WWC1: variants seen among roughly 807,000 people sequenced by gnomAD.
WWC1 encodes the protein protein KIBRA.
WWC1 carries 55 observed loss-of-function variants against 138.4 expected under a neutral mutation model. That is an observed-to-expected ratio of 0.40 (90% CI 0.32 to 0.50). The LOEUF is 0.50. Ranked by LOEUF, WWC1 falls within the 20% of genes least tolerant of loss-of-function variation. The pLI is 0.72. For synonymous variants in WWC1, 524 were observed against 564.9 expected (o/e 0.93, Z 1.03); for missense variants, 1,226 against 1,420.4 (o/e 0.86, Z 2.20).
intron 11 of WWC1, among the ~76,000 whole-genome samples, chr5:168,427,099 A>T (rs1221258864): frequency 6.6e-6 from 1 of 152,102 alleles, no homozygotes; most frequent in South Asian, 2.1e-4. Context: ...CGGGTGCTTA[A>T]TCTCTCCCTT....
intron 1 of WWC1, among the ~76,000 whole-genome samples, chr5:168,306,848 T>C (rs961704122): frequency 6.6e-6 from 1 of 152,176 alleles, no homozygotes; most frequent in Non-Finnish European, 1.5e-5. Context: ...CCACCCATCT[T>C]GGCCTCCCAA....
chr5:168,326,918 A>G (rs1230899693), intron 1 of WWC1, among the ~76,000 whole-genome samples: 1 of 152,190 alleles, frequency 6.6e-6, no homozygotes. Context: ...GCAAATCTGC[A>G]TTTTTGAAGG....
chr5:168,366,291 T>G (rs1337988784), intron 1 of WWC1, among the ~76,000 whole-genome samples: 1 of 152,226 alleles, frequency 6.6e-6, no homozygotes, highest in Non-Finnish European at 1.5e-5. Context: ...ATCTCCCTCT[T>G]GGCATTTGTT....
intron 19 of WWC1, 144 bp downstream of exon 19, chr5:168,455,664 G>A: frequency 2.0e-6 from 2 of 1,012,434 alleles, no homozygotes; most frequent in Non-Finnish European, 2.9e-6. Context: ...CTCAGGTGGA[G>A]TTCACGGGCC....
chr5:168,341,127 G>A (rs986505100), intron 1 of WWC1, among the ~76,000 whole-genome samples: 2 of 152,134 alleles, frequency 1.3e-5, no homozygotes, highest in South Asian at 2.1e-4. Flanking sequence ...TCGAAGACAC[G>A]GGAAATAACT....
chr5:168,371,513 A>T lies in WWC1; in HGVS notation c.209A>T (p.Tyr70Phe). Residue 70 changes from tyrosine to phenylalanine, a missense_variant, in exon 2 of 23, where the codon TAC becomes TTC. Physicochemically the swap from Tyr to Phe is conservative, Grantham distance 22. This residue lies in a region of WWC1 where 1,016 missense variants were observed against 1,153.9 expected (regional missense o/e 0.88). Coordinates refer to ENST00000265293, the MANE Select transcript of WWC1 (RefSeq NM_015238.3). ...GCATATGACCCACAGGTTGGAGATT[A>T]CTTCATAGACCACAACACCAGTAAG... Reference protein sequence around the residue: ...EEAYDPQVGDYFIDHNTKTTQ... With the variant: ...EEAYDPQVGDFFIDHNTKTTQ... The T allele has an allele frequency of 4.3e-6, 7 of 1,613,878 alleles. No homozygotes were observed. Among genetic ancestry groups the T allele is most frequent in the Non-Finnish European group, 5.1e-6 (6 of 1,179,842 alleles).
intron 1 of WWC1, among the ~76,000 whole-genome samples, chr5:168,308,383 G>A (rs1770770329): frequency 6.6e-6 from 1 of 152,226 alleles, no homozygotes; most frequent in East Asian, 1.9e-4. Context: ...GGCTCCAAAG[G>A]TCAGAGGATA....
chr5:168,412,096 C>G (rs1780272539), intron 8 of WWC1: 3 of 985,342 alleles, frequency 3.0e-6, no homozygotes, highest in South Asian at 4.7e-5. Context: ...AACCTTGGAT[C>G]TGTTCCATCC....
chr5:168,405,562 GC>G (rs1413391434), intron 5 of WWC1, among the ~76,000 whole-genome samples: 1 of 152,158 alleles, frequency 6.6e-6, no homozygotes, highest in African/African-American at 2.4e-5. Context: ...TATATGGGAA[GC>G]CCCTACCCAG....
chr5:168,418,647 G>A (rs1780846611), intron 9 of WWC1, among the ~76,000 whole-genome samples: 1 of 151,988 alleles, frequency 6.6e-6, no homozygotes, highest in Admixed American at 6.6e-5. Flanking sequence ...CCAACTCCCA[G>A]ACCCCTCATC....
At chr5:168,340,053 C>CTTTCTTTTCT (rs371095682) in intron 1 of WWC1, among the ~76,000 whole-genome samples, 16 of 139,346 alleles carry the variant, frequency 1.1e-4, no homozygotes, top group African/African-American at 3.8e-4. Flanking sequence ...TTCTTTCTTT[C>CTTTCTTTTCT]TTTCTTTTCT....
At chr5:168,403,079 T>TTTCTTTCTTTCTTTCTTTCTTTC (rs1491364364) in intron 5 of WWC1, among the ~76,000 whole-genome samples, 7 of 95,836 alleles carry the variant, frequency 7.3e-5, no homozygotes, top group South Asian at 3.5e-4. Context: ...TCTTTCTTTC[T>TTTCTTTCTTTCTTTCTTTCTTTC]TTTCTTTCTT....
rs1001839179 is a variant in WWC1 at position 168,292,479 on chromosome 5, G to T, written c.119+208G>T. The stretch of plus-strand genomic sequence containing the variant: ...ACCGAGAGGAGGCGCCTGCCGGGGA[G>T]CTGGCCCAGGCTGCCCCACCGCCAT... On this transcript the variant is annotated intron_variant, in intron 1 of 22. Coordinates refer to ENST00000265293, the MANE Select transcript of WWC1 (RefSeq NM_015238.3). This position sits in a 1 kb window ranked among gnomAD's most constrained non-coding sequence, Gnocchi z 4.4. 1.3e-5 allele frequency among the ~76,000 whole-genome samples: 2 copies of T among 151,972 alleles called. No individual in the cohort carries two copies. Among genetic ancestry groups the T allele is most frequent in the Non-Finnish European group, 2.9e-5 (2 of 67,982 alleles).
At position 168,467,984 on chromosome 5, in the gene WWC1, A is replaced by G. The variant is rs772591173; in HGVS notation, c.3275+20A>G. On this transcript the variant is annotated intron_variant, in intron 22 of 22. Coordinates refer to ENST00000265293, the MANE Select transcript of WWC1 (RefSeq NM_015238.3). ...TTTCAGGTAAGCAGAGGGCCCCGGC[A>G]GCCCCCCATCCCTTTCTCAGCCAAC... The G allele has an allele frequency of 6.2e-7, 1 of 1,613,724 alleles. No individual in the cohort carries two copies. Among genetic ancestry groups the G allele is most frequent in the Non-Finnish European group, 8.5e-7 (1 of 1,179,666 alleles).
intron 15 of WWC1, among the ~76,000 whole-genome samples, chr5:168,436,292 C>T (rs564669307): frequency 2.9e-3 from 441 of 152,254 alleles, no homozygotes; most frequent in African/African-American, 0.01. Flanking sequence ...AAATCCTTTG[C>T]CCTTGCTTGG....
At chr5:168,315,066 T>C (rs1771459926) in intron 1 of WWC1, among the ~76,000 whole-genome samples, 1 of 152,198 alleles carries the variant, frequency 6.6e-6, no homozygotes. Flanking sequence ...GACGTTGGCA[T>C]GTATGTCTGT....
intron 5 of WWC1, among the ~76,000 whole-genome samples, chr5:168,399,928 T>A (rs553362979): frequency 2.0e-4 from 30 of 152,350 alleles, no homozygotes; most frequent in Admixed American, 3.3e-4. Flanking sequence ...GGGTCTCATA[T>A]GCACACAAAC....
intron 1 of WWC1, among the ~76,000 whole-genome samples, chr5:168,338,296 G>A (rs1442649460): frequency 1.3e-5 from 2 of 148,796 alleles, no homozygotes; most frequent in Admixed American, 6.8e-5. Context: ...GGGCAACAGA[G>A]TGAGACTTTG....
intron 10 of WWC1, 75 bp downstream of exon 10, chr5:168,422,172 G>A (rs1159041152): frequency 1.4e-5 from 20 of 1,430,702 alleles, no homozygotes; most frequent in Non-Finnish European, 6.9e-6. Flanking sequence ...CCCAGCCCAG[G>A]CTCTACCCTT....
Sources: allele counts gnomAD v4.1 joint callset (sites outside exome capture counted in the v4.1 genomes callset), GRCh38; gene constraint gnomAD v4.1.1; regional missense constraint gnomAD v4.1.1; non-coding constraint Gnocchi (gnomAD v3.1); transcripts MANE v1.5; gene names NCBI Gene and HGNC (gene_info 2026-07-23, HGNC 2026-07-21).